The following RBFOX3 variants were observed in gnomAD, a reference collection of about 807,000 sequenced individuals.
RBFOX3 encodes RNA binding protein fox-1 homolog 3.
Under a neutral mutation model 48.7 loss-of-function variants are expected in RBFOX3, and 17 were observed. That is an observed-to-expected ratio of 0.35 (90% confidence interval 0.24 to 0.52). The LOEUF is 0.52. RBFOX3 is among the 20% of genes least tolerant of loss of function. RBFOX3 has a pLI of 0.94. For synonymous variants in RBFOX3, 212 were observed against 209.5 expected, an observed-to-expected ratio of 1.01 and a Z score of -0.10; for missense variants, 382 against 497.5, an observed-to-expected ratio of 0.77 and a Z score of 2.21.
At chr17:79,505,844 G>T (rs2083038483) in intron 1 of RBFOX3, among the ~76,000 whole-genome samples, 1 of 152,206 alleles carries the variant, frequency 6.6e-6, no homozygotes, top group Non-Finnish European at 1.5e-5. Context: ...TAGGCACGAT[G>T]CTGAATGCAT....
intron 3 of RBFOX3, among the ~76,000 whole-genome samples, chr17:79,239,775 G>A (rs1009473113): frequency 6.6e-6 from 1 of 152,392 alleles, no homozygotes; most frequent in Non-Finnish European, 1.5e-5. Flanking sequence ...GGCAGTGGAT[G>A]TTTGCTGAAT....
chr17:79,213,946 C>T (rs1039874045), intron 4 of RBFOX3, among the ~76,000 whole-genome samples: 10 of 152,188 alleles, frequency 6.6e-5, no homozygotes, highest in Admixed American at 2.0e-4. Context: ...GCCAAGACAT[C>T]GCGTGCTGCC....
Position 79,096,767 on chromosome 17 carries a change from A to T in RBFOX3, c.822T>A (p.Pro274=), listed in dbSNP as rs1293509018. Reference sequence around the variant, plus strand: ...AGGCCGGCTCCGGTGTCTGCTGAGGAGGGAGGGGGCACGGTGCCAGCCCCG... The same window carrying T: ...AGGCCGGCTCCGGTGTCTGCTGAGGTGGGAGGGGGCACGGTGCCAGCCCCG... ...PWAGLAPCPL[P]PQQTPEPAYP... Residue 274 remains proline (P), a synonymous_variant, in exon 12 of 15, where the codon CCT becomes CCA. Coordinates refer to ENST00000693108, the MANE Select transcript of RBFOX3 (RefSeq NM_001350451.2). 1.5e-6 allele frequency: 2 copies of T among 1,374,218 alleles called. No homozygotes were observed. Among genetic ancestry groups the T allele is most frequent in the East Asian group, 5.0e-5 (2 of 40,074 alleles). The allele number at this position is 1,374,218 out of a possible 1,614,324, so 85.1% of individuals were successfully genotyped here. A position where few individuals can be genotyped will look rare whatever the true frequency, so the allele number is the denominator to read the frequency against.
intron 1 of RBFOX3, among the ~76,000 whole-genome samples, chr17:79,565,178 T>A (rs2144347256): frequency 6.6e-6 from 1 of 152,226 alleles, no homozygotes; most frequent in East Asian, 1.9e-4. Context: ...TACCAAAATG[T>A]TAAAGTAGTT....
intron 2 of RBFOX3, among the ~76,000 whole-genome samples, chr17:79,435,792 A>G (rs1392421132): frequency 6.6e-6 from 1 of 152,194 alleles, no homozygotes; most frequent in African/African-American, 2.4e-5. Context: ...TGGCTTATCC[A>G]CAACAGCCTT....
chr17:79,245,138 T>A (rs909602321), intron 3 of RBFOX3, among the ~76,000 whole-genome samples: 3 of 151,458 alleles, frequency 2.0e-5, no homozygotes, highest in Non-Finnish European at 4.4e-5. Flanking sequence ...TGCAGGGCCA[T>A]CTTGGCTATC....
upstream of RBFOX3, among the ~76,000 whole-genome samples, chr17:79,614,084 G>A (rs1321665209): frequency 2.6e-5 from 4 of 152,352 alleles, no homozygotes; most frequent in South Asian, 4.1e-4. Flanking sequence ...GAGAAGTGGC[G>A]GCCCGCCCTC....
intron 4 of RBFOX3, among the ~76,000 whole-genome samples, chr17:79,222,079 T>A (rs960220695): frequency 6.6e-6 from 1 of 152,062 alleles, no homozygotes; most frequent in East Asian, 1.9e-4. Context: ...TTTCTACCCG[T>A]TGCCTGATTT....
At chr17:79,365,591 G>A (rs556736184) in intron 2 of RBFOX3, among the ~76,000 whole-genome samples, 90 of 152,350 alleles carry the variant, frequency 5.9e-4, no homozygotes, top group African/African-American at 1.9e-3. Flanking sequence ...AAGCCGGCGC[G>A]GCGGCAGGTG....
intron 3 of RBFOX3, among the ~76,000 whole-genome samples, chr17:79,240,462 T>C (rs1307862778): frequency 6.6e-6 from 1 of 152,152 alleles, no homozygotes; most frequent in African/African-American, 2.4e-5. Flanking sequence ...CATGGATGTG[T>C]CCCCAGCTCT....
chr17:79,385,802 G>C (rs980069285), intron 2 of RBFOX3, among the ~76,000 whole-genome samples: 1 of 151,540 alleles, frequency 6.6e-6, no homozygotes. Flanking sequence ...TCCTGTAACA[G>C]ATGGGGTTCC....
intron 4 of RBFOX3, among the ~76,000 whole-genome samples, chr17:79,232,654 A>C (rs1356166136): frequency 6.6e-6 from 1 of 152,252 alleles, no homozygotes; most frequent in Non-Finnish European, 1.5e-5. Flanking sequence ...CGTGGAACTA[A>C]ATGTAAAACC....
At chr17:79,407,446 G>A (rs538181337) in intron 2 of RBFOX3, among the ~76,000 whole-genome samples, 1 of 152,362 alleles carries the variant, frequency 6.6e-6, no homozygotes, top group East Asian at 1.9e-4. Flanking sequence ...AGGAAGGAGT[G>A]GGGCTTTTCA....
chr17:79,620,122 C>T, the RBFOX3 span, among the ~76,000 whole-genome samples: 114 of 143,108 alleles, frequency 8.0e-4, 3 homozygotes, highest in Admixed American at 7.5e-3. Context: ...CATATGCACA[C>T]ATACACACAT....
At chr17:79,202,124 G>T (rs1466154757) in intron 4 of RBFOX3, among the ~76,000 whole-genome samples, 1 of 152,160 alleles carries the variant, frequency 6.6e-6, no homozygotes, top group African/African-American at 2.4e-5. Context: ...CCGGCATGGG[G>T]GGTAGAGTAG....
intron 2 of RBFOX3, among the ~76,000 whole-genome samples, chr17:79,372,890 C>A (rs6501300): frequency 6.6e-6 from 1 of 151,564 alleles, no homozygotes; most frequent in Non-Finnish European, 1.5e-5. Flanking sequence ...GGTGCAATTG[C>A]GTGAAATGAG....
chr17:79,485,679 C>T (rs999471446), intron 1 of RBFOX3, among the ~76,000 whole-genome samples: 10 of 152,236 alleles, frequency 6.6e-5, no homozygotes, highest in Non-Finnish European at 1.0e-4. Context: ...CCTACCCAGC[C>T]CTGTCTGCAG....
chr17:79,547,110 G>T (rs1355492681), intron 1 of RBFOX3, among the ~76,000 whole-genome samples: 1 of 152,154 alleles, frequency 6.6e-6, no homozygotes, highest in Non-Finnish European at 1.5e-5. Flanking sequence ...ATTACCTTGG[G>T]GCACCTGAGT....
Position 79,096,700 on chromosome 17 carries a change from C to A in RBFOX3, c.889G>T (p.Ala297Ser). Residue 297 changes from alanine to serine, a missense_variant, in exon 12 of 15, where the codon GCT becomes TCT. By Grantham distance (99) the Ala-to-Ser change is moderately conservative (BLOSUM62 1). This residue lies in a region of RBFOX3 where 215 missense variants were observed against 254.8 expected (regional missense o/e 0.84). Transcript: ENST00000693108. ...CCATCCTGATACACGACCCTGGAAGCAAACGGACAAGAAAGTGGTGGGAAC... is the reference window on the plus strand; with the variant it reads ...CCATCCTGATACACGACCCTGGAAGAAAACGGACAAGAAAGTGGTGGGAAC... Reference protein sequence around the residue: ...PAFPPLSCPFASRVVYQDGFY... With the variant: ...PAFPPLSCPFSSRVVYQDGFY... The A allele has an allele frequency of 6.4e-7, 1 of 1,551,516 alleles. No individual in the cohort carries two copies. Among genetic ancestry groups the A allele is most frequent in the Non-Finnish European group, 8.7e-7 (1 of 1,146,918 alleles).
Sources: allele counts gnomAD v4.1 joint callset (sites outside exome capture counted in the v4.1 genomes callset), GRCh38; gene constraint gnomAD v4.1.1; regional missense constraint gnomAD v4.1.1; transcripts MANE v1.5; gene names NCBI Gene and HGNC (gene_info 2026-07-23, HGNC 2026-07-21).